Variants in ZKSCAN1 observed in about 807,000 individuals in gnomAD.
The protein encoded by ZKSCAN1 is zinc finger with KRAB and SCAN domains 1, also known as zinc finger protein with KRAB and SCAN domains 1.
Under a neutral mutation model 51.6 loss-of-function variants are expected in ZKSCAN1, and 14 were observed. That is an observed-to-expected ratio of 0.27 (90% CI 0.18 to 0.42). The LOEUF (loss-of-function observed/expected upper bound fraction) is 0.42, where lower values mean the gene tolerates loss of function less well. ZKSCAN1 is among the 10% of genes least tolerant of loss of function. ZKSCAN1 has a pLI of 1.00. For missense variants in ZKSCAN1, 531 were observed against 710.0 expected, an observed-to-expected ratio of 0.75 and a Z score of 2.86; for synonymous variants, 263 against 261.5, an observed-to-expected ratio of 1.01 and a Z score of -0.06.
Position 100,034,353 on chromosome 7 carries a change from T to C in ZKSCAN1, c.*156T>C. ...CTAGTCACATCAGCAGTGTTCTGCC[T>C]TTATGTAGTAGTTGGGCATATAATC... On this transcript the variant is annotated 3_prime_UTR_variant, in exon 6 of 6. Coordinates refer to ENST00000324306, the MANE Select transcript of ZKSCAN1 (RefSeq NM_003439.4). The C allele has an allele frequency of 5.0e-6, 7 of 1,396,672 alleles. No individual in the cohort carries two copies. The highest frequency in any genetic ancestry group is 6.5e-6 in the Non-Finnish European group (7 of 1,084,082). The allele number at this position is 1,396,672 out of a possible 1,614,324, so 86.5% of individuals were successfully genotyped here. A position where few individuals can be genotyped will look rare whatever the true frequency, so the allele number is the denominator to read the frequency against.
At chr7:100,044,974 C>G (rs1448517683), downstream of ZKSCAN1, 1 of 985,180 alleles carries the variant, frequency 1.0e-6, no homozygotes, top group Non-Finnish European at 1.2e-6. Context: ...CGAGGAAGAT[C>G]CAGAAATGCA....
chr7:100,026,700 G>C (rs908360774), intron 3 of ZKSCAN1, among the ~76,000 whole-genome samples: 16 of 151,846 alleles, frequency 1.1e-4, no homozygotes, highest in African/African-American at 3.9e-4. Context: ...ACTCCAGCCT[G>C]GGTGACAGAG....
chr7:100,036,503 G>A lies in ZKSCAN1; in HGVS notation c.*2306G>A. ...AGGCCGAGGTGAGCGGATCACCTGAGGTCAGGAGTTTTGAGACCAGCCTGG... is the reference window on the plus strand; with the variant it reads ...AGGCCGAGGTGAGCGGATCACCTGAAGTCAGGAGTTTTGAGACCAGCCTGG... On this transcript the variant is annotated 3_prime_UTR_variant, in exon 6 of 6. Coordinates refer to ENST00000324306, the MANE Select transcript of ZKSCAN1 (RefSeq NM_003439.4). The A allele has an allele frequency of 1.0e-6, 1 of 955,756 alleles. No individual in the cohort carries two copies. Among genetic ancestry groups the A allele is most frequent in the Non-Finnish European group, 1.2e-6 (1 of 803,032 alleles). 59.2% of individuals were successfully genotyped at this position (955,756 alleles called of 1,614,324 possible). A position where few individuals can be genotyped will look rare whatever the true frequency, so the allele number is the denominator to read the frequency against.
At chr7:100,025,066 G>T (rs1036093276) in intron 3 of ZKSCAN1, 2 of 151,718 alleles carry the variant, frequency 1.3e-5, no homozygotes, top group Non-Finnish European at 2.9e-5. Context: ...TTACTACGAA[G>T]GCAAATGAAC....
downstream of ZKSCAN1, among the ~76,000 whole-genome samples, chr7:100,042,188 G>A (rs192543351): frequency 9.2e-5 from 14 of 152,044 alleles, no homozygotes; most frequent in Admixed American, 3.9e-4. Flanking sequence ...GCGTGGTGGC[G>A]GGCGCCTGTA....
chr7:100,026,230 CAAAAAAAAAAAAAA>C (rs58408632), intron 3 of ZKSCAN1, among the ~76,000 whole-genome samples: 14 of 47,310 alleles, frequency 3.0e-4, no homozygotes, highest in African/African-American at 1.1e-3. Flanking sequence ...AAACTCATCT[CAAAAAAAAAAAAAA>C]AAAAAAAAAA....
rs1791336050 is a variant in ZKSCAN1 at position 100,035,818 on chromosome 7, A to G, written c.*1621A>G. ...CGCAGGGTGCAACTGGCTACCTAGA[A>G]GCTGATGGCAGGAGACTGTTTCACA... On this transcript the variant is annotated 3_prime_UTR_variant, in exon 6 of 6. Transcript: ENST00000324306. 1.0e-6 allele frequency: 1 copy of G among 985,324 alleles called. No individual in the cohort carries two copies. The highest frequency in any genetic ancestry group is 1.2e-6 in the Non-Finnish European group (1 of 829,856). 61.0% of individuals were successfully genotyped at this position (985,324 alleles called of 1,614,324 possible).
At position 100,039,772 on chromosome 7, in the gene ZKSCAN1, C is replaced by T; in HGVS notation, c.*5575C>T. 1.0e-6 allele frequency: 1 copy of T among 985,390 alleles called. No homozygotes were observed. Among genetic ancestry groups the T allele is most frequent in the Non-Finnish European group, 1.2e-6 (1 of 829,922 alleles). 61.0% of individuals were successfully genotyped at this position (985,390 alleles called of 1,614,324 possible). On this transcript the variant is annotated 3_prime_UTR_variant, in exon 6 of 6. Transcript: ENST00000324306. Reference sequence around the variant, plus strand: ...TTTCTCTGTGTCCTACTCTGAGCAACTTCTCAGAGATACGAGGGGGCTAGG... The same window carrying T: ...TTTCTCTGTGTCCTACTCTGAGCAATTTCTCAGAGATACGAGGGGGCTAGG...
Position 100,040,745 on chromosome 7 carries a change from G to A in ZKSCAN1, c.*6548G>A, listed in dbSNP as rs1207079987. 4 of 985,394 alleles carry A rather than the reference G, an allele frequency of 4.1e-6. No homozygotes were observed. Among genetic ancestry groups the A allele is most frequent in the South Asian group, 4.7e-5 (1 of 21,298 alleles). 61.0% of individuals were successfully genotyped at this position (985,394 alleles called of 1,614,324 possible). ...GGGGCCGAGGAAAGGCTGTTGGGGT[G>A]TGCTGGGGTTGGTACCCGAGCGCCT... On this transcript the variant is annotated 3_prime_UTR_variant, in exon 6 of 6. Transcript: ENST00000324306.
chr7:100,031,334 G>A (rs1453833732), intron 5 of ZKSCAN1, among the ~76,000 whole-genome samples: 2 of 135,566 alleles, frequency 1.5e-5, no homozygotes, highest in Non-Finnish European at 3.0e-5. Flanking sequence ...CTGGCATGCA[G>A]TGCTGCGATC....
Position 100,041,419 on chromosome 7 carries a change from T to A in ZKSCAN1, c.*7222T>A, listed in dbSNP as rs1791587717. On this transcript the variant is annotated 3_prime_UTR_variant, in exon 6 of 6. Transcript: ENST00000324306. The stretch of plus-strand genomic sequence containing the variant: ...AATGGAATCTTAGAGGAAAAGTGGT[T>A]TTTTAAAAGCTAGGGAACTCCTCCA... The A allele has an allele frequency of 1.0e-6, 1 of 985,282 alleles. No individual in the cohort carries two copies. Among genetic ancestry groups the A allele is most frequent in the African/African-American group, 1.7e-5 (1 of 57,228 alleles). 61.0% of individuals were successfully genotyped at this position (985,282 alleles called of 1,614,324 possible).
downstream of ZKSCAN1, chr7:100,045,080 C>T (rs556223049): frequency 6.0e-6 from 4 of 666,950 alleles, no homozygotes; most frequent in African/African-American, 5.9e-5. Flanking sequence ...CCTGGGTTTC[C>T]GCTGCAAAGG....
At chr7:100,029,633 G>C (rs1200839757) in intron 3 of ZKSCAN1, among the ~76,000 whole-genome samples, 1 of 152,138 alleles carries the variant, frequency 6.6e-6, no homozygotes, top group African/African-American at 2.4e-5. Context: ...AAAATAAAAG[G>C]GTTGGACCAG....
downstream of ZKSCAN1, chr7:100,044,746 A>T: frequency 1.0e-6 from 1 of 970,464 alleles, no homozygotes; most frequent in Non-Finnish European, 1.2e-6. Context: ...TAACTCCACC[A>T]TTCCACTTTC....
chr7:100,025,479 C>T (rs1328645306), intron 3 of ZKSCAN1, among the ~76,000 whole-genome samples: 1 of 152,066 alleles, frequency 6.6e-6, no homozygotes, highest in Non-Finnish European at 1.5e-5. Context: ...CTTGTTTTTT[C>T]TCTTTTGACG....
At chr7:100,025,823 C>T (rs775274235) in intron 3 of ZKSCAN1, among the ~76,000 whole-genome samples, 3 of 152,262 alleles carry the variant, frequency 2.0e-5, no homozygotes, top group South Asian at 2.1e-4. Context: ...CAGTGGCTCA[C>T]GCCTGTAATC....
At chr7:100,032,102 T>C (rs1791131535) in intron 5 of ZKSCAN1, among the ~76,000 whole-genome samples, 2 of 152,156 alleles carry the variant, frequency 1.3e-5, no homozygotes, top group African/African-American at 4.8e-5. Flanking sequence ...AAACAAAGTT[T>C]CTTGTTTGTT....
chr7:100,030,325 A>G lies in ZKSCAN1; in HGVS notation c.749A>G (p.Asn250Ser). ...EWGCQNLARR[N>S]LSRDNRQENY... The stretch of plus-strand genomic sequence containing the variant: ...GGATGTCAGAATCTGGCTCGGAGGA[A>G]TCTCAGTAGGGACAACAGGCAGGAG... Residue 250 changes from asparagine (N) to serine (S), a missense_variant, in exon 5 of 6, where the codon AAT becomes AGT. Coordinates refer to ENST00000324306, the MANE Select transcript of ZKSCAN1 (RefSeq NM_003439.4). The G allele has an allele frequency of 1.9e-6, 3 of 1,614,144 alleles. 1 individual carries two copies. The South Asian group carries it at 3.3e-5, about 18-fold the overall frequency.
intron 5 of ZKSCAN1, among the ~76,000 whole-genome samples, chr7:100,031,956 A>G (rs539349781): frequency 1.6e-4 from 25 of 152,134 alleles, no homozygotes; most frequent in African/African-American, 6.0e-4. Context: ...GTGCAGGCCT[A>G]TAGTCCCAGC....
Sources: allele counts gnomAD v4.1 joint callset (sites outside exome capture counted in the v4.1 genomes callset), GRCh38; gene constraint gnomAD v4.1.1; transcripts MANE v1.5; gene names NCBI Gene and HGNC (gene_info 2026-07-23, HGNC 2026-07-21).